TBC1D23: variants seen among roughly 807,000 people sequenced by gnomAD.
The protein encoded by TBC1D23 is TBC1 domain family member 23.
In TBC1D23, 55 loss-of-function variants were observed where a neutral mutation model predicts 91.4. The ratio of observed to expected loss-of-function variants is 0.60; its 90% confidence interval spans 0.48 to 0.75. TBC1D23 has a LOEUF of 0.75. Among genes scored for constraint, TBC1D23 ranks in the 30% least tolerant of loss-of-function variants. The pLI is 0.00. For synonymous variants in TBC1D23, 289 were observed against 281.0 expected (o/e 1.03, Z -0.28); for missense variants, 725 against 836.1 (o/e 0.87, Z 1.64).
At position 100,279,727 on chromosome 3, in the gene TBC1D23, G is replaced by A. The variant is rs769991068; in HGVS notation, c.132G>A (p.Pro44=). The change falls in exon 2 of 19, where the codon CCG becomes CCA. Residue 44 remains proline, a synonymous_variant. Transcript: ENST00000394144. ...ETLRNIIQGR[P]LPADLRAKVW... Reference sequence around the variant, plus strand: ...TGAGAAATATAATTCAAGGAAGACCGCTGCCTGCTGATCTGAGGGCCAAAG... The same window carrying A: ...TGAGAAATATAATTCAAGGAAGACCACTGCCTGCTGATCTGAGGGCCAAAG... The A allele has an allele frequency of 9.3e-6, 15 of 1,605,046 alleles. No homozygotes were observed. The South Asian group carries it at 1.1e-4, about 12-fold the overall frequency.
rs2067715187 is a variant in TBC1D23, at chr3:100,283,685, C to T, written c.350C>T (p.Ser117Leu). ...TCTGTAATTACCTTTTATTGTAAAT[C>T]ACGTAACATTAAATATAGCACATCC... ...IESVITFYCK[S>L]RNIKYSTSLS... Residue 117 changes from serine (S) to leucine (L), a missense_variant, in exon 4 of 19, where the codon TCA becomes TTA. By Grantham distance (145) the Ser-to-Leu change is moderately radical (BLOSUM62 -2). Transcript: ENST00000394144. 6.2e-7 allele frequency: 1 copy of T among 1,612,284 alleles called. No homozygotes were observed. The highest frequency in any genetic ancestry group is 8.5e-7 in the Non-Finnish European group (1 of 1,178,318).
intron 4 of TBC1D23, among the ~76,000 whole-genome samples, chr3:100,287,819 A>G (rs751262081): frequency 4.0e-5 from 6 of 151,638 alleles, no homozygotes; most frequent in Non-Finnish European, 5.9e-5. Flanking sequence ...AGATCTTACT[A>G]TGTTGTCTAG....
At chr3:100,262,723 C>CAAAA (rs1174689237) in intron 1 of TBC1D23, among the ~76,000 whole-genome samples, 6,253 of 50,038 alleles carry the variant, frequency 0.12, 989 homozygotes, top group Middle Eastern at 0.29. Flanking sequence ...GGCTCGGTCT[C>CAAAA]AAAAAAAAAA....
At chr3:100,299,483 C>A in intron 10 of TBC1D23, 152 bp downstream of exon 10, 1 of 463,638 alleles carries the variant, frequency 2.2e-6, no homozygotes, top group Non-Finnish European at 3.9e-6. Context: ...GTCAGGTTTC[C>A]TTTTCACCCA....
intron 4 of TBC1D23, among the ~76,000 whole-genome samples, chr3:100,284,826 A>G (rs536987076): frequency 6.6e-6 from 1 of 152,290 alleles, no homozygotes; most frequent in African/African-American, 2.4e-5. Flanking sequence ...GCACATTAGA[A>G]CTATTGGGGG....
chr3:100,289,156 A>G (rs528133201), intron 4 of TBC1D23, among the ~76,000 whole-genome samples: 1 of 152,144 alleles, frequency 6.6e-6, no homozygotes, highest in East Asian at 1.9e-4. Context: ...AAGAGGTTGC[A>G]GTGAGCCGAG....
At chr3:100,323,306 A>G (rs1020321015) in intron 18 of TBC1D23, among the ~76,000 whole-genome samples, 22 of 152,162 alleles carry the variant, frequency 1.4e-4, no homozygotes, top group African/African-American at 4.8e-4. Context: ...TTATCTAGCT[A>G]TTACCTATAT....
chr3:100,319,292 A>G, intron 17 of TBC1D23, 88 bp downstream of exon 17: 1 of 1,038,472 alleles, frequency 9.6e-7, no homozygotes, highest in Middle Eastern at 2.3e-4. Context: ...ACCTTTATTT[A>G]TCCTAGTACA....
At chr3:100,287,641 ACCTGGGG>A (rs2067755388) in intron 4 of TBC1D23, among the ~76,000 whole-genome samples, 1 of 152,184 alleles carries the variant, frequency 6.6e-6, no homozygotes, top group African/African-American at 2.4e-5. Flanking sequence ...TCAATTGCCA[ACCTGGGG>A]CCTTTTCTAT....
rs772047348 is a variant in TBC1D23 at position 100,310,388 on chromosome 3, A to G, written c.1414-15A>G. ...GTCATTCAGAGGCAGTTAATCCATTATGTTCTTTTTTTAGGGTGAATCTCC... is the reference window on the plus strand; with the variant it reads ...GTCATTCAGAGGCAGTTAATCCATTGTGTTCTTTTTTTAGGGTGAATCTCC... On this transcript the variant is annotated splice_polypyrimidine_tract_variant and intron_variant, in intron 13 of 18. Transcript: ENST00000394144. The G allele has an allele frequency of 6.2e-7, 1 of 1,607,222 alleles. No homozygotes were observed. Among genetic ancestry groups the G allele is most frequent in the South Asian group, 1.1e-5 (1 of 90,262 alleles).
intron 17 of TBC1D23, among the ~76,000 whole-genome samples, chr3:100,320,306 T>C (rs1303178232): frequency 1.3e-5 from 2 of 152,198 alleles, no homozygotes; most frequent in East Asian, 1.9e-4. Flanking sequence ...GTGTTAATAA[T>C]ACTATGCTCA....
chr3:100,271,895 A>G (rs2148850384), intron 1 of TBC1D23, among the ~76,000 whole-genome samples: 1 of 152,320 alleles, frequency 6.6e-6, no homozygotes, highest in Non-Finnish European at 1.5e-5. Flanking sequence ...AAGAGCAAGG[A>G]GTGAAGAAGT....
chr3:100,311,061 T>G (rs1705616273), intron 14 of TBC1D23, among the ~76,000 whole-genome samples: 1 of 152,228 alleles, frequency 6.6e-6, no homozygotes, highest in Admixed American at 6.5e-5. Context: ...AGAAATAAGT[T>G]TAAAAATATC....
chr3:100,302,800 G>C (rs753298893), intron 11 of TBC1D23, among the ~76,000 whole-genome samples: 1 of 152,170 alleles, frequency 6.6e-6, no homozygotes, highest in African/African-American at 2.4e-5. Flanking sequence ...TGGCCAGGCT[G>C]ACATAGTGAT....
chr3:100,266,494 C>G (rs1435676797), intron 1 of TBC1D23, among the ~76,000 whole-genome samples: 1 of 152,078 alleles, frequency 6.6e-6, no homozygotes, highest in Non-Finnish European at 1.5e-5. Context: ...GTCTCAAACC[C>G]CTGACCTCAG....
intron 15 of TBC1D23, among the ~76,000 whole-genome samples, chr3:100,312,879 C>A (rs187960626): frequency 6.6e-6 from 1 of 151,888 alleles, no homozygotes. Context: ...TTCAGCCGGG[C>A]GCAATGGCTC....
chr3:100,278,428 C>G (rs2067667600), intron 1 of TBC1D23, among the ~76,000 whole-genome samples: 1 of 151,636 alleles, frequency 6.6e-6, no homozygotes, highest in South Asian at 2.1e-4. Context: ...CTCTGTCACC[C>G]AGGCTGGGGT....
chr3:100,284,868 A>T, intron 4 of TBC1D23, among the ~76,000 whole-genome samples: 1 of 152,242 alleles, frequency 6.6e-6, no homozygotes, highest in East Asian at 1.9e-4. Context: ...CTATTTGCAT[A>T]CATGAGTAAT....
At chr3:100,274,503 A>C (rs1252128341) in intron 1 of TBC1D23, among the ~76,000 whole-genome samples, 1 of 152,038 alleles carries the variant, frequency 6.6e-6, no homozygotes, top group Non-Finnish European at 1.5e-5. Flanking sequence ...ATTGTTGTGC[A>C]TATAATCTCT....
Sources: gnomAD v4.1 joint callset for allele counts (sites outside exome capture counted in the v4.1 genomes callset) on GRCh38, gnomAD v4.1.1 for gene constraint, MANE v1.5 for transcripts, NCBI Gene and HGNC (gene_info 2026-07-23, HGNC 2026-07-21) for gene names.